Variants in CADPS2 observed in about 807,000 individuals in gnomAD.
CADPS2 encodes the protein calcium-dependent secretion activator 2.
A neutral mutation model predicts 172.5 loss-of-function variants in CADPS2; 93 were observed. That is an observed-to-expected ratio of 0.54 (90% confidence interval 0.46 to 0.64). The LOEUF (loss-of-function observed/expected upper bound fraction) is 0.64, where lower values mean the gene tolerates loss of function less well. Ranked by LOEUF, CADPS2 falls within the 30% of genes least tolerant of loss-of-function variation. The pLI, the probability that CADPS2 is intolerant of heterozygous loss-of-function variation, is 0.00. For synonymous variants in CADPS2, 546 were observed against 555.2 expected (o/e 0.98, Z 0.23); for missense variants, 1,420 against 1,565.9 (o/e 0.91, Z 1.57).
At chr7:122,416,186 T>C in intron 17 of CADPS2, 22 bp from the exon 18 acceptor site, 1 of 1,396,564 alleles carries the variant, frequency 7.2e-7, no homozygotes, top group Non-Finnish European at 9.8e-7. Flanking sequence ...AAAATCATAA[T>C]CATGTTACCT....
At chr7:122,848,016 C>G (rs1812494442) in intron 1 of CADPS2, among the ~76,000 whole-genome samples, 1 of 152,218 alleles carries the variant, frequency 6.6e-6, no homozygotes, top group Non-Finnish European at 1.5e-5. Context: ...TTTGCCAGGA[C>G]AGAAGGTTTG....
intron 27 of CADPS2, among the ~76,000 whole-genome samples, chr7:122,345,916 A>ACCT (rs1554445655): frequency 2.1e-4 from 11 of 53,584 alleles, no homozygotes; most frequent in Non-Finnish European, 1.0e-4. Context: ...ATCCGTAGAT[A>ACCT]TCTTTTTTTT....
At chr7:122,479,863 ATACT>A (rs1220261301) in intron 12 of CADPS2, among the ~76,000 whole-genome samples, 1 of 152,230 alleles carries the variant, frequency 6.6e-6, no homozygotes, top group Non-Finnish European at 1.5e-5. Context: ...TAATTTAAAA[ATACT>A]TAGCTTAAAA....
chr7:122,568,749 AGAG>A (rs1250761050), intron 7 of CADPS2, among the ~76,000 whole-genome samples: 2 of 152,202 alleles, frequency 1.3e-5, no homozygotes, highest in Admixed American at 6.5e-5. Context: ...AGAAGAAAAC[AGAG>A]GAGAATTCCA....
At chr7:122,799,403 TC>T (rs1224407946) in intron 1 of CADPS2, among the ~76,000 whole-genome samples, 4 of 151,920 alleles carry the variant, frequency 2.6e-5, no homozygotes, top group Non-Finnish European at 5.9e-5. Context: ...ATCGAGACCA[TC>T]CTGGCTAACA....
chr7:122,748,710 G>T lies in CADPS2; in HGVS notation c.340-11642C>A, dbSNP rs574539462. 2.6e-5 allele frequency among the ~76,000 whole-genome samples: 4 copies of T among 152,292 alleles called. No individual in the cohort carries two copies. The East Asian group carries it at 7.7e-4, about 29-fold the overall frequency. ...GAAGAAAAGTAGCAGCAGAAGGCAA[G>T]GGACTTTCAGCTCATCATCTTTGTG... On this transcript the variant is annotated intron_variant, in intron 1 of 29. Coordinates refer to ENST00000449022, the MANE Select transcript of CADPS2 (RefSeq NM_017954.11).
At chr7:122,609,455 A>G (rs139947918) in intron 6 of CADPS2, among the ~76,000 whole-genome samples, 19 of 152,328 alleles carry the variant, frequency 1.2e-4, no homozygotes, top group African/African-American at 4.1e-4. Context: ...CTAAGAGACT[A>G]TGAAACAATG....
intron 6 of CADPS2, among the ~76,000 whole-genome samples, chr7:122,587,159 G>A (rs2069848223): frequency 1.3e-5 from 2 of 151,056 alleles, no homozygotes; most frequent in Non-Finnish European, 3.0e-5. Context: ...GTGCAGATTT[G>A]TTACATAGGT....
In CADPS2 at chr7:122,871,231, T is replaced by C. The variant is rs112745275; in HGVS notation, c.339+14768A>G. 2.4e-3 allele frequency among the ~76,000 whole-genome samples: 365 copies of C among 151,984 alleles called. 1 individual carries two copies. The highest frequency in any genetic ancestry group is 8.0e-3 in the African/African-American group (332 of 41,510). ...TGGTTTCATCCCACTTTTTGACTTA[T>C]GTATTCCAGCATTTTCACATGTTGA... is the stretch of plus-strand genomic sequence containing the variant. On this transcript the variant is annotated intron_variant, in intron 1 of 29. Coordinates refer to ENST00000449022, the MANE Select transcript of CADPS2 (RefSeq NM_017954.11).
chr7:122,408,900 A>G (rs1212867451), intron 19 of CADPS2, among the ~76,000 whole-genome samples: 1 of 152,242 alleles, frequency 6.6e-6, no homozygotes, highest in African/African-American at 2.4e-5. Context: ...AGTAACTAAA[A>G]AGATTGCCAT....
chr7:122,789,558 A>T (rs1794814946), intron 1 of CADPS2, among the ~76,000 whole-genome samples: 2 of 152,216 alleles, frequency 1.3e-5, no homozygotes, highest in Non-Finnish European at 2.9e-5. Context: ...AACCTAGAGG[A>T]CACAAATACA....
In CADPS2 at chr7:122,323,873, T is replaced by A. The variant is rs868153503; in HGVS notation, c.3717+1604A>T. 2.4e-3 allele frequency among the ~76,000 whole-genome samples: 269 copies of A among 112,288 alleles called. 3 individuals are homozygous for A. The highest frequency in any genetic ancestry group is 3.5e-3 in the Non-Finnish European group (194 of 55,824). The allele number at this position is 112,288 out of a possible 152,430, so 73.7% of individuals were successfully genotyped here. A position where few individuals can be genotyped will look rare whatever the true frequency, so the allele number is the denominator to read the frequency against. The stretch of plus-strand genomic sequence containing the variant: ...TGCATATTATATACATATGTATATT[T>A]TATATATATATATATATATATATAT... On this transcript the variant is annotated intron_variant, in intron 29 of 29. Transcript: ENST00000449022.
chr7:122,741,869 C>A (rs2092494429), intron 1 of CADPS2, among the ~76,000 whole-genome samples: 2 of 152,150 alleles, frequency 1.3e-5, no homozygotes, highest in Admixed American at 6.5e-5. Flanking sequence ...TTTAACACAG[C>A]AGTTCAAGAC....
At chr7:122,872,754 T>A (rs940611287) in intron 1 of CADPS2, among the ~76,000 whole-genome samples, 2 of 152,134 alleles carry the variant, frequency 1.3e-5, no homozygotes, top group Admixed American at 1.3e-4. Context: ...ACAAGTTTCA[T>A]GGCAGCAGAA....
At chr7:122,392,556 T>C (rs2044513626) in intron 22 of CADPS2, among the ~76,000 whole-genome samples, 1 of 152,184 alleles carries the variant, frequency 6.6e-6, no homozygotes, top group Admixed American at 6.6e-5. Context: ...CAGTGGTTCT[T>C]AGTTGCTGAT....
intron 3 of CADPS2, among the ~76,000 whole-genome samples, chr7:122,645,461 ATG>A (rs1442873118): frequency 1.4e-5 from 1 of 69,024 alleles, no homozygotes; most frequent in East Asian, 2.6e-4. Context: ...ATATGTATAT[ATG>A]TGTATATATG....
At chr7:122,659,119 G>A (rs2080192400) in intron 3 of CADPS2, among the ~76,000 whole-genome samples, 1 of 151,756 alleles carries the variant, frequency 6.6e-6, no homozygotes, top group African/African-American at 2.4e-5. Flanking sequence ...AACACAATCT[G>A]GAGAGATAAA....
intron 1 of CADPS2, among the ~76,000 whole-genome samples, chr7:122,747,783 T>C (rs955059937): frequency 6.6e-6 from 1 of 152,116 alleles, no homozygotes; most frequent in Non-Finnish European, 1.5e-5. Context: ...GCTCCTCTCC[T>C]CCCCATTTAC....
intron 7 of CADPS2, among the ~76,000 whole-genome samples, chr7:122,576,810 T>C (rs2068105011): frequency 6.6e-6 from 1 of 150,974 alleles, no homozygotes; most frequent in Non-Finnish European, 1.5e-5. Context: ...TCTTGCTCTG[T>C]TGCCCAGTGG....
Sources: allele counts gnomAD v4.1 joint callset (sites outside exome capture counted in the v4.1 genomes callset), GRCh38; gene constraint gnomAD v4.1.1; transcripts MANE v1.5; gene names NCBI Gene and HGNC (gene_info 2026-07-23, HGNC 2026-07-21).